STON2: variants seen among roughly 807,000 people sequenced by gnomAD.
STON2 encodes stonin 2, also known as stonin-2.
STON2 carries 29 observed loss-of-function variants against 65.7 expected under a neutral mutation model. That is an observed-to-expected ratio of 0.44 (90% CI 0.33 to 0.60). The LOEUF is 0.60. Among genes scored for constraint, STON2 ranks in the 20% least tolerant of loss-of-function variants. STON2 has a pLI of 0.03. For synonymous variants in STON2, 404 were observed against 414.2 expected (o/e 0.98, Z 0.30); for missense variants, 1,054 against 1,118.1 (o/e 0.94, Z 0.82).
In STON2 at chr14:81,412,928, G is replaced by A; in HGVS notation, c.-199+14174C>T. ...CGGGCGATGCTTAGCACCTCCCCAG[G>A]AGACCGTTGCAGTCAGCCAGCCCCC... On this transcript the variant is annotated intron_variant, in intron 2 of 8. Coordinates refer to the STON2 transcript ENST00000553821. The A allele has an allele frequency of 4.2e-6, 3 of 722,062 alleles. 1 individual carries two copies. In the African/African-American group the frequency reaches 6.3e-5, roughly 15 times the overall value. The allele number at this position is 722,062 out of a possible 1,614,324, so 44.7% of individuals were successfully genotyped here. A position where few individuals can be genotyped will look rare whatever the true frequency, so the allele number is the denominator to read the frequency against.
chr14:81,375,531 A>G (rs544959951), intron 3 of STON2, among the ~76,000 whole-genome samples: 3 of 152,098 alleles, frequency 2.0e-5, no homozygotes, highest in Non-Finnish European at 4.4e-5. Flanking sequence ...TAGCCTCAAA[A>G]TTATTAATGC....
intron 5 of STON2, among the ~76,000 whole-genome samples, chr14:81,311,585 A>G (rs1475376749): frequency 1.3e-5 from 2 of 152,200 alleles, no homozygotes; most frequent in Non-Finnish European, 2.9e-5. Flanking sequence ...TCCACATAAA[A>G]TTGACGAAAA....
chr14:81,428,461 G>A (rs1271489587), intron 1 of STON2, among the ~76,000 whole-genome samples: 3 of 151,788 alleles, frequency 2.0e-5, no homozygotes, highest in Admixed American at 1.3e-4. Flanking sequence ...GGTGGCTCAC[G>A]CCTGTAATCC....
Position 81,262,301 on chromosome 14 carries a change from A to C in STON2, c.*6113T>G, listed in dbSNP as rs1894180457. The C allele has an allele frequency of 4.1e-6, 4 of 985,344 alleles. No homozygotes were observed. Among genetic ancestry groups the C allele is most frequent in the Non-Finnish European group, 4.8e-6 (4 of 829,948 alleles). 61.0% of individuals were successfully genotyped at this position (985,344 alleles called of 1,614,324 possible). A position where few individuals can be genotyped will look rare whatever the true frequency, so the allele number is the denominator to read the frequency against. ...GCATGCCTATGAGTGACTTTAAATAAACAATCCTCAATGTCCTCGTGTCTA... is the reference window on the plus strand; with the variant it reads ...GCATGCCTATGAGTGACTTTAAATACACAATCCTCAATGTCCTCGTGTCTA... On this transcript the variant is annotated 3_prime_UTR_variant, in exon 8 of 8. Transcript: ENST00000614646.
At position 81,265,295 on chromosome 14, in the gene STON2, T is replaced by C. The variant is rs908666391; in HGVS notation, c.*3119A>G. ...ACCCCTAAATGCTACCCATAATCAG[T>C]TTCCTAAAAACAGTAGAGGGAAAAC... On this transcript the variant is annotated 3_prime_UTR_variant, in exon 8 of 8. Coordinates refer to ENST00000614646, the MANE Select transcript of STON2 (RefSeq NM_001394390.1). 3 of 984,092 alleles carry C rather than the reference T, an allele frequency of 3.0e-6. No homozygotes were observed. The highest frequency in any genetic ancestry group is 3.5e-5 in the African/African-American group (2 of 57,288). 61.0% of individuals were successfully genotyped at this position (984,092 alleles called of 1,614,324 possible).
Position 81,273,422 on chromosome 14 carries a change from C to T in STON2, c.2582-2550G>A, listed in dbSNP as rs553980907. ...GAACATATTGGGACTGTTTTCCCTT[C>T]ACCTGGTCTAATGAGAAGGGGGATT... On this transcript the variant is annotated intron_variant, in intron 6 of 7. Transcript: ENST00000614646. 5.9e-5 allele frequency among the ~76,000 whole-genome samples: 9 copies of T among 152,314 alleles called. No homozygotes were observed. The South Asian group carries it at 1.9e-3, about 32-fold the overall frequency.
chr14:81,289,431 T>G (rs918926977), intron 5 of STON2, among the ~76,000 whole-genome samples: 1 of 151,988 alleles, frequency 6.6e-6, no homozygotes, highest in Non-Finnish European at 1.5e-5. Context: ...TGGGAAAAAC[T>G]ATAGGGAAAG....
Position 81,265,951 on chromosome 14 carries a change from AT to A in STON2, c.*2462del. On this transcript the variant is annotated 3_prime_UTR_variant, in exon 8 of 8. Transcript: ENST00000614646. The stretch of plus-strand genomic sequence containing the variant: ...ATTTCCCTTGCCAACTCTCCAATCC[AT>A]TTAGATGTTCTATGAGGAATTAATC... 5.1e-6 allele frequency: 5 copies of A among 985,366 alleles called. No individual in the cohort carries two copies. Among genetic ancestry groups the A allele is most frequent in the Non-Finnish European group, 6.0e-6 (5 of 829,916 alleles). The allele number at this position is 985,366 out of a possible 1,614,324, so 61.0% of individuals were successfully genotyped here.
chr14:81,345,779 T>C (rs1897788559), intron 4 of STON2, among the ~76,000 whole-genome samples: 1 of 152,088 alleles, frequency 6.6e-6, no homozygotes, highest in Non-Finnish European at 1.5e-5. Context: ...AAAAATTCTG[T>C]TGTTTAAGCC....
At chr14:81,288,220 A>G (rs1010147385) in intron 5 of STON2, among the ~76,000 whole-genome samples, 3 of 152,182 alleles carry the variant, frequency 2.0e-5, no homozygotes, top group African/African-American at 7.2e-5. Flanking sequence ...GTCATTTTCA[A>G]CTGTAGAGTG....
At chr14:81,303,731 G>A (rs981343441) in intron 5 of STON2, among the ~76,000 whole-genome samples, 1 of 152,094 alleles carries the variant, frequency 6.6e-6, no homozygotes, top group East Asian at 1.9e-4. Context: ...CCCAAGGGGA[G>A]GTATATTTAC....
chr14:81,387,421 T>C (rs959800989), intron 3 of STON2, among the ~76,000 whole-genome samples: 3 of 152,194 alleles, frequency 2.0e-5, no homozygotes, highest in Admixed American at 6.5e-5. Flanking sequence ...ATGGGTCTTA[T>C]GAAGTCAAAG....
intron 3 of STON2, among the ~76,000 whole-genome samples, chr14:81,381,804 G>C (rs1899532218): frequency 6.6e-6 from 1 of 152,090 alleles, no homozygotes; most frequent in Non-Finnish European, 1.5e-5. Flanking sequence ...CTAAAGCACA[G>C]CAATTCCCAT....
intron 3 of STON2, among the ~76,000 whole-genome samples, chr14:81,374,037 C>T (rs1395861052): frequency 1.0e-5 from 1 of 97,136 alleles, no homozygotes; most frequent in Non-Finnish European, 1.8e-5. Context: ...TTGAGACAGA[C>T]TCTCGCTTTG....
At chr14:81,355,770 T>C (rs912343436) in intron 4 of STON2, among the ~76,000 whole-genome samples, 2 of 152,184 alleles carry the variant, frequency 1.3e-5, no homozygotes, top group Non-Finnish European at 2.9e-5. Flanking sequence ...TTTGAAGCAA[T>C]TGTGAATGGG....
intron 5 of STON2, among the ~76,000 whole-genome samples, chr14:81,313,808 A>AAAT (rs1269777285): frequency 1.1e-3 from 88 of 82,532 alleles, no homozygotes; most frequent in African/African-American, 5.4e-3. Context: ...AAAAAAAAAA[A>AAAT]ATACACACAC....
In STON2 at chr14:81,264,358, G is replaced by GATGAT; in HGVS notation, c.*4051_*4055dup. ...CTTGCTGGCTTTATTATGAGTATTT[G>GATGAT]ATGATAAGTAAGGGTTAAGTAGCCT... On this transcript the variant is annotated 3_prime_UTR_variant, in exon 8 of 8. Transcript: ENST00000614646. The GATGAT allele has an allele frequency of 1.0e-6, 1 of 985,464 alleles. No homozygotes were observed. The highest frequency in any genetic ancestry group is 1.2e-6 in the Non-Finnish European group (1 of 829,940). 61.0% of individuals were successfully genotyped at this position (985,464 alleles called of 1,614,324 possible).
At chr14:81,338,972 C>A (rs911840349) in intron 4 of STON2, among the ~76,000 whole-genome samples, 1 of 152,042 alleles carries the variant, frequency 6.6e-6, no homozygotes, top group Non-Finnish European at 1.5e-5. Flanking sequence ...ACGCCATAAA[C>A]CAAGACCCAA....
At chr14:81,285,813 T>C (rs1365275688) in intron 5 of STON2, among the ~76,000 whole-genome samples, 1 of 152,062 alleles carries the variant, frequency 6.6e-6, no homozygotes, top group Non-Finnish European at 1.5e-5. Context: ...TCATGTAATA[T>C]GCCCATGTAA....
Sources: gnomAD v4.1 joint callset for allele counts (sites outside exome capture counted in the v4.1 genomes callset) on GRCh38, gnomAD v4.1.1 for gene constraint, MANE v1.5 for transcripts, NCBI Gene and HGNC (gene_info 2026-07-23, HGNC 2026-07-21) for gene names.